Variants in RAB6A observed in about 807,000 individuals in gnomAD.
The protein encoded by RAB6A is RAB6A, member RAS oncogene family.
A neutral mutation model predicts 32.3 loss-of-function variants in RAB6A; 8 were observed. The ratio of observed to expected loss-of-function variants is 0.25; its 90% CI spans 0.15 to 0.45. RAB6A has a LOEUF of 0.45. Among genes scored for constraint, RAB6A ranks in the 20% least tolerant of loss-of-function variants. The pLI is 1.00. For synonymous variants in RAB6A, 73 were observed against 82.1 expected, an observed-to-expected ratio of 0.89 and a Z score of 0.60; for missense variants, 104 against 249.4, an observed-to-expected ratio of 0.42 and a Z score of 3.93.
chr11:73,742,753 T>C (rs1457878227), intron 1 of RAB6A, among the ~76,000 whole-genome samples: 2 of 151,882 alleles, frequency 1.3e-5, no homozygotes, highest in South Asian at 2.1e-4. Flanking sequence ...GAGGTTGCAG[T>C]GAATCGAGAT....
chr11:73,738,990 G>A (rs947566432), intron 1 of RAB6A, among the ~76,000 whole-genome samples: 1 of 150,044 alleles, frequency 6.7e-6, no homozygotes, highest in African/African-American at 2.5e-5. Context: ...TATTGGGGCT[G>A]GGCACAGTGG....
chr11:73,713,387 G>A (rs548672964), intron 5 of RAB6A, among the ~76,000 whole-genome samples: 4 of 152,196 alleles, frequency 2.6e-5, no homozygotes, highest in East Asian at 3.9e-4. Flanking sequence ...TGGCTAACAC[G>A]GTGAAACCCC....
chr11:73,729,914 CTGTCTTG>C (rs1203674931), intron 2 of RAB6A: 4 of 152,486 alleles, frequency 2.6e-5, no homozygotes, highest in Non-Finnish European at 1.5e-5. Context: ...CCTGCTTACC[CTGTCTTG>C]TGTGCCTCTT....
chr11:73,716,704 CT>C (rs1315626425), intron 4 of RAB6A, among the ~76,000 whole-genome samples: 2 of 152,046 alleles, frequency 1.3e-5, no homozygotes, highest in Non-Finnish European at 1.5e-5. Flanking sequence ...TGCCACAATG[CT>C]TTTTTGATCA....
intron 1 of RAB6A, among the ~76,000 whole-genome samples, chr11:73,737,136 T>C (rs1946411252): frequency 1.3e-5 from 2 of 152,144 alleles, no homozygotes; most frequent in Non-Finnish European, 2.9e-5. Flanking sequence ...CCAGAAAATG[T>C]TGAAATGTTT....
At chr11:73,731,719 TATATATATATATACACAC>T (rs1349695017) in intron 1 of RAB6A, among the ~76,000 whole-genome samples, 958 of 10,988 alleles carry the variant, frequency 0.087, 46 homozygotes, top group East Asian at 0.4. Context: ...TATATATATA[TATATATATATATACACAC>T]ACACACACAT....
intron 1 of RAB6A, among the ~76,000 whole-genome samples, chr11:73,744,959 G>C (rs1946563838): frequency 6.7e-6 from 1 of 149,842 alleles, no homozygotes; most frequent in Admixed American, 6.7e-5. Context: ...TGGTGACAGA[G>C]CGAGAATCCA....
intron 1 of RAB6A, among the ~76,000 whole-genome samples, chr11:73,737,419 G>A (rs1946416187): frequency 6.6e-6 from 1 of 152,062 alleles, no homozygotes. Context: ...GGAGTTTGAG[G>A]CTGCAGTGAG....
intron 2 of RAB6A, 27 bp from the exon 3 acceptor site, chr11:73,720,926 A>G: frequency 1.3e-6 from 2 of 1,544,826 alleles, no homozygotes; most frequent in Non-Finnish European, 8.9e-7. Context: ...AGAAGTTAAC[A>G]AATAATAAGT....
At chr11:73,748,719 A>G (rs1645852582) in intron 1 of RAB6A, among the ~76,000 whole-genome samples, 1 of 152,230 alleles carries the variant, frequency 6.6e-6, no homozygotes, top group South Asian at 2.1e-4. Context: ...ACCCCAAAAC[A>G]CAGTATTTAG....
intron 1 of RAB6A, among the ~76,000 whole-genome samples, chr11:73,754,458 C>A (rs2512633): frequency 0.97 from 147,536 of 152,306 alleles, 71,611 homozygotes; most frequent in Middle Eastern, 1. Flanking sequence ...GGAGTTTCCC[C>A]GTGCCTATAT....
chr11:73,727,014 C>G (rs1208334216), intron 2 of RAB6A, among the ~76,000 whole-genome samples: 1 of 152,066 alleles, frequency 6.6e-6, no homozygotes, highest in African/African-American at 2.4e-5. Context: ...TTATAGTTGT[C>G]TAAAATGCTG....
At chr11:73,703,064 C>A (rs764001534) in intron 6 of RAB6A, among the ~76,000 whole-genome samples, 1 of 151,524 alleles carries the variant, frequency 6.6e-6, no homozygotes, top group Admixed American at 6.6e-5. Context: ...TCAAGTGATC[C>A]GCCTGCCTCA....
chr11:73,725,233 G>A (rs1431591966), intron 2 of RAB6A, among the ~76,000 whole-genome samples: 1 of 152,202 alleles, frequency 6.6e-6, no homozygotes, highest in African/African-American at 2.4e-5. Context: ...GGTAAAGTTA[G>A]CTTTTGAGGA....
At chr11:73,721,027 AG>A (rs1401192933) in intron 2 of RAB6A, 128 bp from the exon 3 acceptor site, 9 of 693,418 alleles carry the variant, frequency 1.3e-5, no homozygotes, top group East Asian at 1.1e-4. Flanking sequence ...TAGTCAATTA[AG>A]GACAATTAAG....
chr11:73,712,233 A>C (rs1334398105), intron 5 of RAB6A, among the ~76,000 whole-genome samples: 1 of 152,174 alleles, frequency 6.6e-6, no homozygotes, highest in Non-Finnish European at 1.5e-5. Context: ...ATCCAATTTT[A>C]TCTTTTCTAT....
intron 4 of RAB6A, among the ~76,000 whole-genome samples, chr11:73,717,286 C>G (rs528982570): frequency 1.3e-5 from 2 of 152,288 alleles, no homozygotes; most frequent in African/African-American, 4.8e-5. Context: ...TATTACTAGT[C>G]CAAATGAATA....
intron 2 of RAB6A, among the ~76,000 whole-genome samples, chr11:73,725,207 G>A (rs1244258364): frequency 1.3e-5 from 2 of 152,242 alleles, no homozygotes; most frequent in African/African-American, 4.8e-5. Flanking sequence ...AAGGGTCAAA[G>A]AAGAGTGGTA....
chr11:73,722,843 G>A (rs985015487), intron 2 of RAB6A: 15 of 152,156 alleles, frequency 9.9e-5, no homozygotes, highest in African/African-American at 3.6e-4. Flanking sequence ...GTCTCGCTCA[G>A]TCGCCCAGGC....
Sources: gnomAD v4.1 joint callset for allele counts (sites outside exome capture counted in the v4.1 genomes callset) on GRCh38, gnomAD v4.1.1 for gene constraint, MANE v1.5 for transcripts, NCBI Gene and HGNC (gene_info 2026-07-23, HGNC 2026-07-21) for gene names.